WDR27: variants seen among roughly 807,000 people sequenced by gnomAD.
WDR27 encodes the protein WD repeat-containing protein 27.
WDR27 carries 100 observed loss-of-function variants against 114.4 expected under a neutral mutation model. That is an observed-to-expected ratio of 0.87 (90% CI 0.74 to 1.03). WDR27 has a LOEUF of 1.03. WDR27 is among the 50% of genes least tolerant of loss of function. WDR27 has a pLI of 0.00. For missense variants in WDR27, 1,129 were observed against 1,092.9 expected (o/e 1.03, Z -0.47); for synonymous variants, 449 against 423.1 (o/e 1.06, Z -0.75).
Position 169,659,774 on chromosome 6 carries a change from G to A in WDR27, c.1130-256C>T, listed in dbSNP as rs1445404298. On this transcript the variant is annotated intron_variant, in intron 10 of 25. Coordinates refer to ENST00000448612, the MANE Select transcript of WDR27 (RefSeq NM_182552.5). This position sits in a 1 kb window ranked among gnomAD's most constrained non-coding sequence, Gnocchi z 4.3. ...CCAGGCTCCGCTCTGAGGCTGGGAT[G>A]TGACTCGGACTGAGACCTGCAGCTC... Among the ~76,000 whole-genome samples, 1 of 152,162 alleles carries A rather than the reference G, an allele frequency of 6.6e-6. No individual in the cohort carries two copies. The highest frequency in any genetic ancestry group is 1.5e-5 in the Non-Finnish European group (1 of 68,022).
intron 25 of WDR27, among the ~76,000 whole-genome samples, chr6:169,461,785 T>A (rs183113598): frequency 1.3e-5 from 2 of 148,464 alleles, no homozygotes; most frequent in African/African-American, 2.5e-5. Context: ...ATAAACAAAA[T>A]GGAGAAAAGA....
In WDR27 at chr6:169,664,238, G is replaced by A. The variant is rs190339321; in HGVS notation, c.832C>T (p.Arg278Trp). ...TCTGTCTTCTTCCTTAGGTCAACCC[G>A]TGCCACACGACGATAATGGTGTCCA... ...MDGHHYRRVA[R>W]VDLRKKTETF... The change falls in exon 8 of 26, where the codon CGG becomes TGG. Residue 278 changes from arginine (R) to tryptophan (W), a missense_variant. By Grantham distance (101) the Arg-to-Trp change is moderately radical. Coordinates refer to ENST00000448612, the MANE Select transcript of WDR27 (RefSeq NM_182552.5). The A allele has an allele frequency of 1.4e-5, 22 of 1,613,616 alleles. No homozygotes were observed. The highest frequency in any genetic ancestry group is 8.3e-5 in the Admixed American group (5 of 59,978).
At chr6:169,648,925 C>T (rs750889880) in intron 15 of WDR27, among the ~76,000 whole-genome samples, 1 of 152,214 alleles carries the variant, frequency 6.6e-6, no homozygotes, top group Non-Finnish European at 1.5e-5. Context: ...GGAGGAGCAT[C>T]GGCTACGGCA....
At chr6:169,515,548 CAT>C (rs1168279121) in intron 25 of WDR27, among the ~76,000 whole-genome samples, 13 of 152,172 alleles carry the variant, frequency 8.5e-5, no homozygotes, top group South Asian at 2.1e-4. Flanking sequence ...ATTATTTACA[CAT>C]GAGTACTTAT....
At chr6:169,688,483 T>C (rs752901110) in intron 2 of WDR27, among the ~76,000 whole-genome samples, 6 of 152,116 alleles carry the variant, frequency 3.9e-5, no homozygotes, top group Non-Finnish European at 8.8e-5. Context: ...TTTTTCTAAG[T>C]AGTTTATACT....
rs1016277247 is a variant in WDR27, at chr6:169,543,316, T to A, written c.2645+29103A>T. ...TAGAGAAATGTCATACCAAAGTGAG[T>A]ACAAGGAACTATTTAAAGCCAGAAT... On this transcript the variant is annotated intron_variant, in intron 25 of 25. Transcript: ENST00000448612. Among the ~76,000 whole-genome samples, 3 of 151,900 alleles carry A rather than the reference T, an allele frequency of 2.0e-5. No individual in the cohort carries two copies. In the South Asian group the frequency reaches 6.2e-4, roughly 32 times the overall value.
chr6:169,516,830 CACACA>C (rs1793727608), intron 25 of WDR27, among the ~76,000 whole-genome samples: 3 of 151,522 alleles, frequency 2.0e-5, no homozygotes, highest in African/African-American at 4.9e-5. Flanking sequence ...CACACACACA[CACACA>C]CCCCTCCCTT....
At chr6:169,620,405 T>C (rs1373908243) in intron 21 of WDR27, among the ~76,000 whole-genome samples, 1 of 152,140 alleles carries the variant, frequency 6.6e-6, no homozygotes, top group East Asian at 1.9e-4. Flanking sequence ...CTCAAAGACA[T>C]CCCTCCGAGG....
Position 169,658,336 on chromosome 6 carries a change from G to A in WDR27, c.1342C>T (p.Pro448Ser). The change falls in exon 13 of 26, where the codon CCA becomes TCA. Residue 448 changes from proline to serine, a missense_variant. Coordinates refer to ENST00000448612, the MANE Select transcript of WDR27 (RefSeq NM_182552.5). ...TCCTTGGCAATTCCCAGATACAGTG[G>A]AGAGGTCGGTAGGACACAGGAGCTG... ...PASSCVLPTS[P>S]LYLGIAKEKS... is the part of the protein sequence containing the mutation. The A allele has an allele frequency of 6.2e-7, 1 of 1,600,176 alleles. No individual in the cohort carries two copies. Among genetic ancestry groups the A allele is most frequent in the South Asian group, 1.1e-5 (1 of 87,844 alleles).
At chr6:169,593,985 T>G (rs1806285656) in intron 23 of WDR27, among the ~76,000 whole-genome samples, 1 of 152,236 alleles carries the variant, frequency 6.6e-6, no homozygotes, top group Non-Finnish European at 1.5e-5. Flanking sequence ...TTCTTCTGAT[T>G]TACTTTGTTG....
chr6:169,525,327 G>A (rs1003602706), intron 25 of WDR27, among the ~76,000 whole-genome samples: 1 of 152,002 alleles, frequency 6.6e-6, no homozygotes, highest in African/African-American at 2.4e-5. Flanking sequence ...GTGAGGTCAG[G>A]AGATCGAGAC....
intron 25 of WDR27, among the ~76,000 whole-genome samples, chr6:169,536,413 T>A (rs1796191991): frequency 6.6e-6 from 1 of 152,190 alleles, no homozygotes; most frequent in Non-Finnish European, 1.5e-5. Flanking sequence ...GGTCCATTAT[T>A]TTTATGAACC....
At chr6:169,621,433 CAT>C (rs566389438) in intron 21 of WDR27, among the ~76,000 whole-genome samples, 123 of 152,074 alleles carry the variant, frequency 8.1e-4, no homozygotes, top group African/African-American at 2.8e-3. Flanking sequence ...CGCATTCACA[CAT>C]ATACATATGC....
intron 25 of WDR27, among the ~76,000 whole-genome samples, chr6:169,500,072 T>C (rs1790942678): frequency 6.6e-6 from 1 of 152,174 alleles, no homozygotes; most frequent in South Asian, 2.1e-4. Flanking sequence ...ATGCGGGCTA[T>C]TGTCCTAGGA....
rs566433573 is a variant in WDR27, at chr6:169,681,861, C to A, written c.189+6956G>T. Among the ~76,000 whole-genome samples, 216 of 152,292 alleles carry A rather than the reference C, an allele frequency of 1.4e-3. 1 individual carries two copies. The highest frequency in any genetic ancestry group is 2.0e-3 in the Non-Finnish European group (137 of 68,026). The stretch of plus-strand genomic sequence containing the variant: ...CAGCTCTGGGCTCTTCTGCTGCACT[C>A]AGGGAACTATCCCATCTGTGCTGAG... On this transcript the variant is annotated intron_variant, in intron 2 of 25. Coordinates refer to ENST00000448612, the MANE Select transcript of WDR27 (RefSeq NM_182552.5).
intron 2 of WDR27, among the ~76,000 whole-genome samples, chr6:169,676,462 T>G (rs540146544): frequency 6.6e-6 from 1 of 152,356 alleles, no homozygotes; most frequent in South Asian, 2.1e-4. Flanking sequence ...TATCTTGACA[T>G]AGGCCTGCGA....
chr6:169,692,663 C>A (rs1784813930), intron 1 of WDR27, among the ~76,000 whole-genome samples: 1 of 152,120 alleles, frequency 6.6e-6, no homozygotes, highest in Non-Finnish European at 1.5e-5. Context: ...TACCGGCTTT[C>A]CCCCACTTCC....
intron 22 of WDR27, among the ~76,000 whole-genome samples, chr6:169,609,122 G>A (rs577812008): frequency 6.6e-5 from 10 of 151,910 alleles, no homozygotes; most frequent in Middle Eastern, 3.4e-3. Context: ...GTGGCTTTGC[G>A]GAGCATAACC....
At chr6:169,532,280 A>G (rs1795694381) in intron 25 of WDR27, among the ~76,000 whole-genome samples, 1 of 152,160 alleles carries the variant, frequency 6.6e-6, no homozygotes, top group Admixed American at 6.5e-5. Flanking sequence ...GTCACTGAGA[A>G]TGAGTACAAG....
Sources: gnomAD v4.1 joint callset for allele counts (sites outside exome capture counted in the v4.1 genomes callset) on GRCh38, gnomAD v4.1.1 for gene constraint, Gnocchi (gnomAD v3.1) non-coding constraint, MANE v1.5 for transcripts, NCBI Gene and HGNC (gene_info 2026-07-23, HGNC 2026-07-21) for gene names.